Variants in PPP3CA observed in about 807,000 individuals in gnomAD.
PPP3CA encodes CAM-PRP catalytic subunit.
In PPP3CA, 14 loss-of-function variants were observed where a neutral mutation model predicts 66.5. That is an observed-to-expected ratio of 0.21 (90% confidence interval 0.14 to 0.33). PPP3CA has a LOEUF of 0.33. Ranked by LOEUF, PPP3CA falls within the 10% of genes least tolerant of loss-of-function variation. The probability of loss-of-function intolerance (pLI) is 1.00; values close to 1 mark genes in which losing one functional copy is unlikely to be tolerated. For synonymous variants in PPP3CA, 232 were observed against 226.2 expected (o/e 1.03, Z -0.23); for missense variants, 317 against 639.5 (o/e 0.50, Z 5.44).
chr4:101,186,325 T>A (rs1043081291), intron 2 of PPP3CA, among the ~76,000 whole-genome samples: 1 of 152,150 alleles, frequency 6.6e-6, no homozygotes, highest in African/African-American at 2.4e-5. Context: ...CAGAAAGCAA[T>A]CTAAAGTTGC....
intron 2 of PPP3CA, among the ~76,000 whole-genome samples, chr4:101,181,686 A>G (rs111307183): frequency 3.1e-4 from 47 of 152,260 alleles, no homozygotes; most frequent in African/African-American, 9.9e-4. Context: ...ATTACAATGA[A>G]AGGATTATAC....
At chr4:101,096,690 T>C (rs969265956) in intron 5 of PPP3CA, among the ~76,000 whole-genome samples, 1 of 152,204 alleles carries the variant, frequency 6.6e-6, no homozygotes. Context: ...TGCCCATCAT[T>C]TGCTAACAGA....
chr4:101,314,400 T>C (rs1177276088), intron 1 of PPP3CA, among the ~76,000 whole-genome samples: 1 of 151,476 alleles, frequency 6.6e-6, no homozygotes, highest in Non-Finnish European at 1.5e-5. Context: ...CCGTCTCTAC[T>C]AAAATACAAA....
At chr4:101,280,417 A>G (rs969825592) in intron 1 of PPP3CA, among the ~76,000 whole-genome samples, 2 of 152,218 alleles carry the variant, frequency 1.3e-5, no homozygotes, top group Admixed American at 6.5e-5. Flanking sequence ...AGGGAAAGCA[A>G]GAGTCTGAGT....
At chr4:101,196,525 G>A (rs1338654626) in intron 1 of PPP3CA, among the ~76,000 whole-genome samples, 9 of 152,186 alleles carry the variant, frequency 5.9e-5, no homozygotes, top group Non-Finnish European at 1.3e-4. Context: ...ACTGGGATTA[G>A]AGGAGTGGGA....
intron 1 of PPP3CA, among the ~76,000 whole-genome samples, chr4:101,252,498 T>C (rs1413741120): frequency 6.6e-6 from 1 of 152,176 alleles, no homozygotes; most frequent in Non-Finnish European, 1.5e-5. Context: ...AACTAAGGCA[T>C]ACCACTGTGA....
chr4:101,307,440 C>A (rs577768038), intron 1 of PPP3CA, among the ~76,000 whole-genome samples: 71 of 152,270 alleles, frequency 4.7e-4, no homozygotes, highest in Non-Finnish European at 9.7e-4. Flanking sequence ...AAATCAGATA[C>A]GTCACCATAG....
At chr4:101,310,420 C>T (rs558924819) in intron 1 of PPP3CA, among the ~76,000 whole-genome samples, 6 of 152,146 alleles carry the variant, frequency 3.9e-5, no homozygotes, top group Admixed American at 1.3e-4. Context: ...GAAAAAAGGC[C>T]TATAATCTCA....
chr4:101,333,023 TC>T (rs1729439108), intron 1 of PPP3CA, among the ~76,000 whole-genome samples: 1 of 152,030 alleles, frequency 6.6e-6, no homozygotes, highest in African/African-American at 2.4e-5. Flanking sequence ...CCTTCAAAAG[TC>T]TATGATTCTA....
chr4:101,305,201 T>C (rs930145357), intron 1 of PPP3CA, among the ~76,000 whole-genome samples: 3 of 152,202 alleles, frequency 2.0e-5, no homozygotes, highest in African/African-American at 4.8e-5. Context: ...TCAAAATGTT[T>C]CTGGGCATCT....
chr4:101,152,648 A>G (rs1578498785), intron 2 of PPP3CA, among the ~76,000 whole-genome samples: 1 of 152,212 alleles, frequency 6.6e-6, no homozygotes, highest in East Asian at 1.9e-4. Flanking sequence ...TCATGCCATT[A>G]AGTCCTTGTA....
chr4:101,093,084 G>A (rs1437729724), intron 6 of PPP3CA, among the ~76,000 whole-genome samples: 1 of 152,126 alleles, frequency 6.6e-6, no homozygotes, highest in Non-Finnish European at 1.5e-5. Context: ...CAGCGTAAAA[G>A]CGTTCCTATT....
At chr4:101,051,832 T>TAA (rs1728024159) in intron 10 of PPP3CA, among the ~76,000 whole-genome samples, 1 of 152,156 alleles carries the variant, frequency 6.6e-6, no homozygotes, top group Non-Finnish European at 1.5e-5. Flanking sequence ...ACTAGTTGAA[T>TAA]AAAAACTAAT....
chr4:101,283,638 C>T (rs138312527), intron 1 of PPP3CA, among the ~76,000 whole-genome samples: 172 of 152,324 alleles, frequency 1.1e-3, no homozygotes, highest in African/African-American at 4.0e-3. Context: ...TCCCTGGGAA[C>T]TGTCAGCACT....
At chr4:101,272,409 A>G (rs367911007) in intron 1 of PPP3CA, among the ~76,000 whole-genome samples, 2 of 152,216 alleles carry the variant, frequency 1.3e-5, no homozygotes, top group East Asian at 3.8e-4. Context: ...TTCCAGAGAC[A>G]TAATGCCTCA....
intron 1 of PPP3CA, among the ~76,000 whole-genome samples, chr4:101,285,918 C>T (rs1727833282): frequency 6.6e-6 from 1 of 152,152 alleles, no homozygotes; most frequent in Admixed American, 6.5e-5. Context: ...AGCATAAACT[C>T]CTACACCTAA....
intron 2 of PPP3CA, among the ~76,000 whole-genome samples, chr4:101,153,887 A>G (rs1020234216): frequency 1.3e-5 from 2 of 152,162 alleles, no homozygotes; most frequent in South Asian, 2.1e-4. Flanking sequence ...TTTTAATACA[A>G]TACATTTGGT....
At position 101,098,632 on chromosome 4, in the gene PPP3CA, C is replaced by A. The variant is rs1035005644; in HGVS notation, c.497-120G>T. The A allele has an allele frequency of 5.0e-6, 4 of 802,084 alleles. No homozygotes were observed. The African/African-American group carries it at 5.6e-5, about 11-fold the overall frequency. 49.7% of individuals were successfully genotyped at this position (802,084 alleles called of 1,614,324 possible). A position where few individuals can be genotyped will look rare whatever the true frequency, so the allele number is the denominator to read the frequency against. ...CCTATTATTAACATAAAGGCACATA[C>A]TACAAAATTCCAAAACATAATTAAG... On this transcript the variant is annotated intron_variant, in intron 4 of 13. Coordinates refer to ENST00000394854, the MANE Select transcript of PPP3CA (RefSeq NM_000944.5).
At chr4:101,039,820 C>A (rs1365746753) in intron 11 of PPP3CA, among the ~76,000 whole-genome samples, 1 of 144,306 alleles carries the variant, frequency 6.9e-6, no homozygotes, top group African/African-American at 2.5e-5. Flanking sequence ...TAATATGTAT[C>A]ATTTTGAATT....
Sources: allele counts gnomAD v4.1 joint callset (sites outside exome capture counted in the v4.1 genomes callset), GRCh38; gene constraint gnomAD v4.1.1; transcripts MANE v1.5; gene names NCBI Gene and HGNC (gene_info 2026-07-23, HGNC 2026-07-21).